Variants in ABCA8 observed in about 807,000 individuals in gnomAD.
ABCA8 encodes the protein ABC-type organic anion transporter ABCA8.
In ABCA8, 177 loss-of-function variants were observed where a neutral mutation model predicts 192.3. The observed-to-expected ratio is 0.92, with a 90% CI of 0.81 to 1.04. ABCA8 has a LOEUF of 1.04. ABCA8 is among the 50% of genes least tolerant of loss of function. The pLI, the probability that ABCA8 is intolerant of heterozygous loss-of-function variation, is 0.00. For synonymous variants in ABCA8, 642 were observed against 690.2 expected, an observed-to-expected ratio of 0.93 and a Z score of 1.09; for missense variants, 1,915 against 1,904.8, an observed-to-expected ratio of 1.01 and a Z score of -0.10.
chr17:68,900,538 C>CAAAA (rs35696026), intron 21 of ABCA8, among the ~76,000 whole-genome samples: 14 of 108,874 alleles, frequency 1.3e-4, no homozygotes, highest in South Asian at 3.1e-4. Context: ...CACAAAGTCT[C>CAAAA]AAAAAAAAAA....
At chr17:68,946,861 A>AT (rs2068424214) in intron 2 of ABCA8, among the ~76,000 whole-genome samples, 2 of 152,078 alleles carry the variant, frequency 1.3e-5, no homozygotes, top group Non-Finnish European at 2.9e-5. Flanking sequence ...GAATCGCTTG[A>AT]ACCCAGGAGG....
At chr17:68,907,434 C>T (rs915663510) in intron 18 of ABCA8, among the ~76,000 whole-genome samples, 1 of 151,494 alleles carries the variant, frequency 6.6e-6, no homozygotes, top group African/African-American at 2.4e-5. Flanking sequence ...GTGCATAAGC[C>T]AGAGGTTTTC....
chr17:68,906,266 A>T, intron 18 of ABCA8, 103 bp from the exon 19 acceptor site: 4 of 814,620 alleles, frequency 4.9e-6, no homozygotes, highest in Non-Finnish European at 5.2e-6. Context: ...TATACTTGTG[A>T]TATGTCAAAA....
chr17:68,880,421 T>C (rs1031494509), intron 32 of ABCA8, among the ~76,000 whole-genome samples: 8 of 152,140 alleles, frequency 5.3e-5, no homozygotes, highest in African/African-American at 1.9e-4. Flanking sequence ...ATGGTGGGAC[T>C]AAAAAAGCTG....
At chr17:68,875,443 T>C (rs1039395735) in intron 36 of ABCA8, 43 bp from the exon 37 acceptor site, 3 of 1,611,102 alleles carry the variant, frequency 1.9e-6, no homozygotes, top group Non-Finnish European at 2.5e-6. Context: ...AAAAAAACCA[T>C]TCAGTATGTT....
chr17:68,948,592 G>A (rs544104567), intron 2 of ABCA8, among the ~76,000 whole-genome samples: 235 of 152,034 alleles, frequency 1.5e-3, no homozygotes, highest in Non-Finnish European at 1.8e-3. Context: ...TGATGGGATT[G>A]TTTTTTTCTT....
In ABCA8 at chr17:68,882,609, TTAG is replaced by T; in HGVS notation, c.3815_3817del (p.Thr1272del). 1.2e-6 allele frequency: 2 copies of T among 1,611,876 alleles called. No homozygotes were observed. Among genetic ancestry groups the T allele is most frequent in the Non-Finnish European group, 8.5e-7 (1 of 1,179,140 alleles). ...TGTGTTATGTTTTACCTCATCAAAA[TTAG>T]TAGAATTCAAGGCATTTGCTGTTCT... On this transcript the variant is annotated inframe_deletion, in exon 30 of 40. Transcript: ENST00000586539.
chr17:68,938,706 C>T (rs1226647165), intron 4 of ABCA8, among the ~76,000 whole-genome samples: 2 of 152,064 alleles, frequency 1.3e-5, no homozygotes, highest in Non-Finnish European at 1.5e-5. Flanking sequence ...AAAAATTATT[C>T]AACTCATCAA....
At chr17:68,912,603 T>C (rs2067249183) in intron 17 of ABCA8, among the ~76,000 whole-genome samples, 1 of 152,074 alleles carries the variant, frequency 6.6e-6, no homozygotes, top group Non-Finnish European at 1.5e-5. Flanking sequence ...TATCTTTATA[T>C]TAGACAAAAT....
rs574104697 is a variant in ABCA8 at position 68,884,240 on chromosome 17, C to T, written c.3615+91G>A. On this transcript the variant is annotated intron_variant, in intron 28 of 39. Coordinates refer to ENST00000586539, the MANE Select transcript of ABCA8 (RefSeq NM_001288985.2). ...GGGCTATAGATACCTGTATCTCTAACTTAATAAAAGAAGTTTCACAGTGTG... is the reference window on the plus strand; with the variant it reads ...GGGCTATAGATACCTGTATCTCTAATTTAATAAAAGAAGTTTCACAGTGTG... 226 of 1,181,462 alleles carry T rather than the reference C, an allele frequency of 1.9e-4. No individual in the cohort carries two copies. The Middle Eastern group carries it at 2.1e-3, about 11-fold the overall frequency. The allele number at this position is 1,181,462 out of a possible 1,614,324, so 73.2% of individuals were successfully genotyped here. A position where few individuals can be genotyped will look rare whatever the true frequency, so the allele number is the denominator to read the frequency against.
intron 21 of ABCA8, among the ~76,000 whole-genome samples, chr17:68,898,392 A>C (rs2066821015): frequency 6.6e-6 from 1 of 152,144 alleles, no homozygotes; most frequent in Admixed American, 6.6e-5. Context: ...AAAATGATGA[A>C]GGTAGAATAG....
At chr17:68,871,726 T>A (rs1239657903) in intron 37 of ABCA8, among the ~76,000 whole-genome samples, 1 of 152,214 alleles carries the variant, frequency 6.6e-6, no homozygotes, top group Non-Finnish European at 1.5e-5. Context: ...TGAAAAATTC[T>A]ATTGCTTAGA....
intron 4 of ABCA8, 47 bp from the exon 5 acceptor site, chr17:68,937,162 C>T (rs754826932): frequency 7.5e-6 from 11 of 1,476,280 alleles, no homozygotes; most frequent in Non-Finnish European, 1.0e-5. Flanking sequence ...TACTAGGAGA[C>T]ACAACTTCAG....
chr17:68,868,237 A>C (rs898513690), intron 39 of ABCA8, 54 bp from the exon 40 acceptor site: 2 of 1,606,562 alleles, frequency 1.2e-6, no homozygotes, highest in Non-Finnish European at 1.7e-6. Context: ...CTGCCTCTGC[A>C]GCTCCCAGGG....
Position 68,869,762 on chromosome 17 carries a change from A to G in ABCA8, c.4649T>C (p.Val1550Ala), listed in dbSNP as rs1172471516. 2.5e-6 allele frequency: 4 copies of G among 1,612,700 alleles called. No homozygotes were observed. The highest frequency in any genetic ancestry group is 1.7e-5 in the Admixed American group (1 of 59,984). Residue 1550 changes from valine (V) to alanine (A), a missense_variant, in exon 38 of 40, where the codon GTT (valine) becomes GCT (alanine). Transcript: ENST00000586539. ...CACATCTTCCACTGGCAACTTATAA[A>G]CCATCAGAGAGGAGTACCTGAGAGA... ...ARQERYSSLMVYKLPVEDVQP... is the reference protein window; with the variant it reads ...ARQERYSSLMAYKLPVEDVQP...
At chr17:68,907,696 A>C in intron 18 of ABCA8, 44 bp downstream of exon 18, 1 of 1,470,058 alleles carries the variant, frequency 6.8e-7, no homozygotes, top group Non-Finnish European at 9.1e-7. Context: ...GATGATGATG[A>C]CTATTATTCA....
At chr17:68,907,119 A>G (rs879636716) in intron 18 of ABCA8, among the ~76,000 whole-genome samples, 2 of 152,164 alleles carry the variant, frequency 1.3e-5, no homozygotes, top group Non-Finnish European at 2.9e-5. Flanking sequence ...TTTAAATTAT[A>G]ATTACTGTTA....
intron 21 of ABCA8, among the ~76,000 whole-genome samples, chr17:68,896,642 C>T (rs991849809): frequency 6.6e-6 from 1 of 152,106 alleles, no homozygotes; most frequent in Non-Finnish European, 1.5e-5. Context: ...ACTGTCAAGA[C>T]ATCACAGTGC....
chr17:68,879,479 A>G (rs2066280733), intron 32 of ABCA8: 1 of 152,162 alleles, frequency 6.6e-6, no homozygotes, highest in African/African-American at 2.4e-5. Flanking sequence ...TGCAGCCATC[A>G]CAGCAAAGAT....
Sources: allele counts gnomAD v4.1 joint callset (sites outside exome capture counted in the v4.1 genomes callset), GRCh38; gene constraint gnomAD v4.1.1; transcripts MANE v1.5; gene names NCBI Gene and HGNC (gene_info 2026-07-23, HGNC 2026-07-21).